The following CUX1 variants were observed in gnomAD, a reference collection of about 807,000 sequenced individuals.
CUX1 encodes protein CASP.
A neutral mutation model predicts 158.8 loss-of-function variants in CUX1; 31 were observed. That is an observed-to-expected ratio of 0.20 (90% confidence interval 0.15 to 0.26). The LOEUF is 0.26. Ranked by LOEUF, CUX1 falls within the 10% of genes least tolerant of loss-of-function variation. The probability of loss-of-function intolerance (pLI) is 1.00; values close to 1 mark genes in which losing one functional copy is unlikely to be tolerated. For missense variants in CUX1, 1,589 were observed against 2,014.6 expected (o/e 0.79, Z 4.04); for synonymous variants, 879 against 862.1 (o/e 1.02, Z -0.34).
chr7:101,887,904 C>T (rs1800414533), intron 1 of CUX1, among the ~76,000 whole-genome samples: 3 of 142,782 alleles, frequency 2.1e-5, no homozygotes, highest in South Asian at 4.5e-4. Flanking sequence ...TTTTGGTTTA[C>T]GGAAAGCCCA....
chr7:102,105,941 G>T (rs75592577), intron 6 of CUX1, among the ~76,000 whole-genome samples: 10,365 of 152,130 alleles, frequency 0.068, 491 homozygotes, highest in African/African-American at 0.13. Flanking sequence ...ATGAAGAAAT[G>T]TATGTATCCA....
At chr7:102,104,768 G>A (rs951954372) in intron 6 of CUX1, among the ~76,000 whole-genome samples, 1 of 152,058 alleles carries the variant, frequency 6.6e-6, no homozygotes, top group Non-Finnish European at 1.5e-5. Flanking sequence ...GGTGGCGCAC[G>A]TCTGTAATCC....
rs113571277 is a variant in CUX1, at chr7:101,964,339, C to T, written c.141+48114C>T. Among the ~76,000 whole-genome samples, 11 of 151,958 alleles carry T rather than the reference C, an allele frequency of 7.2e-5. 1 individual carries two copies. Among genetic ancestry groups the T allele is most frequent in the African/African-American group, 2.7e-4 (11 of 41,444 alleles). On this transcript the variant is annotated intron_variant, in intron 2 of 23. Transcript: ENST00000292535. ...GTGCACTCCAGCCTGGGCAACAGAG[C>T]GAGACTCCATCTCAAAAAAAAGGTG...
intron 9 of CUX1, among the ~76,000 whole-genome samples, chr7:102,169,239 T>C (rs1254972258): frequency 6.6e-6 from 1 of 152,048 alleles, no homozygotes; most frequent in Non-Finnish European, 1.5e-5. Flanking sequence ...AGCCAATTTT[T>C]TGTATTTTTA....
At chr7:102,107,687 A>C (rs1416815256) in intron 6 of CUX1, among the ~76,000 whole-genome samples, 1 of 152,188 alleles carries the variant, frequency 6.6e-6, no homozygotes, top group Non-Finnish European at 1.5e-5. Flanking sequence ...ATCTCTTTTC[A>C]TAGAGGGAGA....
At chr7:102,022,130 A>AGT (rs926862775) in intron 2 of CUX1, among the ~76,000 whole-genome samples, 11 of 152,184 alleles carry the variant, frequency 7.2e-5, no homozygotes, top group Non-Finnish European at 1.5e-4. Flanking sequence ...AGGGCTCGGG[A>AGT]GTGTGTGTGT....
In CUX1 at chr7:102,251,306, CTTG is replaced by C. The variant is rs1801482797; in HGVS notation, c.*2267_*2269del. The C allele has an allele frequency of 1.0e-6, 1 of 985,092 alleles. No individual in the cohort carries two copies. The highest frequency in any genetic ancestry group is 1.7e-5 in the African/African-American group (1 of 57,154). The allele number at this position is 985,092 out of a possible 1,614,324, so 61.0% of individuals were successfully genotyped here. ...GCTCTGGCTGTTCCACCTCCGTGTG[CTTG>C]TTAATTAACTTGTAGGACTTTGACT... On this transcript the variant is annotated 3_prime_UTR_variant, in exon 24 of 24. Coordinates refer to ENST00000292535, the MANE Select transcript of CUX1 (RefSeq NM_181552.4).
intron 18 of CUX1, among the ~76,000 whole-genome samples, chr7:102,203,547 G>C (rs1020968248): frequency 2.0e-5 from 3 of 152,204 alleles, no homozygotes; most frequent in Non-Finnish European, 4.4e-5. Context: ...GTTCAGTGTT[G>C]TAAAAATACC....
At chr7:102,024,802 T>C (rs1819795100) in intron 2 of CUX1, among the ~76,000 whole-genome samples, 1 of 152,186 alleles carries the variant, frequency 6.6e-6, no homozygotes, top group Non-Finnish European at 1.5e-5. Flanking sequence ...TGTTATATGT[T>C]GTCCTCTACC....
intron 19 of CUX1, 67 bp downstream of exon 19, chr7:102,204,623 C>G: frequency 6.4e-7 from 1 of 1,572,628 alleles, no homozygotes; most frequent in Non-Finnish European, 8.6e-7. Context: ...ACAGCAGCCC[C>G]ACCTGGGCTA....
At chr7:102,185,746 G>T (rs1014378727) in intron 11 of CUX1, among the ~76,000 whole-genome samples, 6 of 152,070 alleles carry the variant, frequency 3.9e-5, no homozygotes, top group African/African-American at 1.5e-4. Flanking sequence ...GGTGGAGCCA[G>T]GATCTGTCGG....
At chr7:102,264,225 C>T (rs970263072) in intron 14 of CUX1, among the ~76,000 whole-genome samples, 4 of 151,836 alleles carry the variant, frequency 2.6e-5, no homozygotes, top group Admixed American at 6.6e-5. Flanking sequence ...AGGCTGGTCT[C>T]GAACTCCTGA....
intron 4 of CUX1, among the ~76,000 whole-genome samples, chr7:102,073,140 A>G (rs1033476149): frequency 6.0e-5 from 8 of 133,874 alleles, no homozygotes; most frequent in Non-Finnish European, 9.3e-5. Flanking sequence ...GCTGTTTTCT[A>G]AATAATATGT....
At position 102,089,362 on chromosome 7, in the gene CUX1, T is replaced by C. The variant is rs77225404; in HGVS notation, c.269-8002T>C. Reference sequence around the variant, plus strand: ...CTGCTTTGCATGTCTAGTAATTTCCTATTGAATTTTAGACATCATGAGCTT... The same window carrying C: ...CTGCTTTGCATGTCTAGTAATTTCCCATTGAATTTTAGACATCATGAGCTT... On this transcript the variant is annotated intron_variant, in intron 4 of 23. Coordinates refer to ENST00000292535, the MANE Select transcript of CUX1 (RefSeq NM_181552.4). Among the ~76,000 whole-genome samples, 406 of 152,372 alleles carry C rather than the reference T, an allele frequency of 2.7e-3. 4 individuals carry two copies. Among genetic ancestry groups the C allele is most frequent in the African/African-American group, 9.5e-3 (396 of 41,590 alleles).
intron 23 of CUX1, among the ~76,000 whole-genome samples, chr7:102,241,457 G>A (rs529892035): frequency 4.6e-5 from 7 of 152,148 alleles, no homozygotes; most frequent in Non-Finnish European, 1.0e-4. Flanking sequence ...GCCGATGGCA[G>A]TGGGGCCCTC....
At chr7:102,049,123 G>A (rs411844) in intron 3 of CUX1, among the ~76,000 whole-genome samples, 127,546 of 152,050 alleles carry the variant, frequency 0.84, 53,615 homozygotes, top group East Asian at 0.99. Flanking sequence ...AAGGACCTAG[G>A]GGGACACAGT....
chr7:101,898,959 C>T (rs1195753275), intron 1 of CUX1, among the ~76,000 whole-genome samples: 1 of 152,208 alleles, frequency 6.6e-6, no homozygotes, highest in East Asian at 1.9e-4. Flanking sequence ...CGTTGGTGCA[C>T]ATAGGTGCAG....
intron 11 of CUX1, among the ~76,000 whole-genome samples, chr7:102,189,526 G>T (rs1468003972): frequency 2.0e-5 from 3 of 152,038 alleles, no homozygotes; most frequent in African/African-American, 7.2e-5. Flanking sequence ...CTCCCAAAGT[G>T]CTGGAATTAC....
intron 9 of CUX1, among the ~76,000 whole-genome samples, chr7:102,165,350 CTTTT>C (rs533978049): frequency 2.8e-5 from 3 of 105,342 alleles, no homozygotes; most frequent in African/African-American, 7.6e-5. Context: ...TAGGGGAAAG[CTTTT>C]TTTTTTTTTT....
Sources: gnomAD v4.1 joint callset for allele counts (sites outside exome capture counted in the v4.1 genomes callset) on GRCh38, gnomAD v4.1.1 for gene constraint, MANE v1.5 for transcripts, NCBI Gene and HGNC (gene_info 2026-07-23, HGNC 2026-07-21) for gene names.